The following PDE11A variants were observed in gnomAD, a reference collection of about 807,000 sequenced individuals.
PDE11A encodes the protein phosphodiesterase 11A.
PDE11A carries 100 observed loss-of-function variants against 100.5 expected under a neutral mutation model. The observed-to-expected ratio is 1.00, with a 90% CI of 0.85 to 1.18. The LOEUF is 1.18. Among genes scored for constraint, PDE11A ranks in the 50% most tolerant of loss-of-function variants. The probability of loss-of-function intolerance (pLI) is 0.00; values close to 1 mark genes in which losing one functional copy is unlikely to be tolerated. For missense variants in PDE11A, 1,141 were observed against 1,152.6 expected, an observed-to-expected ratio of 0.99 and a Z score of 0.15; for synonymous variants, 381 against 420.8, an observed-to-expected ratio of 0.91 and a Z score of 1.16.
At chr2:177,783,570 T>C (rs2082485986) in intron 9 of PDE11A, among the ~76,000 whole-genome samples, 1 of 152,246 alleles carries the variant, frequency 6.6e-6, no homozygotes, top group Admixed American at 6.5e-5. Flanking sequence ...GCTTATTCCT[T>C]GCAATATAGG....
At chr2:177,660,244 C>T (rs1213426866) in intron 19 of PDE11A, among the ~76,000 whole-genome samples, 1 of 151,980 alleles carries the variant, frequency 6.6e-6, no homozygotes, top group East Asian at 1.9e-4. Flanking sequence ...ACTCTATGCT[C>T]ACATATAAAC....
intron 9 of PDE11A, among the ~76,000 whole-genome samples, chr2:177,798,594 A>G (rs1465336214): frequency 6.6e-6 from 1 of 152,222 alleles, no homozygotes; most frequent in Non-Finnish European, 1.5e-5. Context: ...TTGTGCATAC[A>G]CATAAGTTCT....
intron 18 of PDE11A, among the ~76,000 whole-genome samples, chr2:177,665,256 G>C (rs931436941): frequency 5.4e-5 from 8 of 149,190 alleles, no homozygotes; most frequent in Non-Finnish European, 1.0e-4. Context: ...AGGATCACTT[G>C]AGCCCAAGAG....
Position 177,943,892 on chromosome 2 carries a change from A to C in PDE11A, c.1072-38705T>G, listed in dbSNP as rs764210514. On this transcript the variant is annotated intron_variant, in intron 2 of 19. Coordinates refer to ENST00000286063, the MANE Select transcript of PDE11A (RefSeq NM_016953.4). The stretch of plus-strand genomic sequence containing the variant: ...TTAGGTCTTTAATCCATTTTGGGTT[A>C]AGTTTTGTGTAAGGTGTAAAATAAG... Among the ~76,000 whole-genome samples, 65 of 152,176 alleles carry C rather than the reference A, an allele frequency of 4.3e-4. 3 individuals are homozygous for C. Among genetic ancestry groups the C allele is most frequent in the Non-Finnish European group, 7.4e-5 (5 of 68,020 alleles).
chr2:177,631,409 A>C (rs544462863), intron 19 of PDE11A, among the ~76,000 whole-genome samples: 245 of 136,388 alleles, frequency 1.8e-3, no homozygotes, highest in Non-Finnish European at 3.0e-3. Flanking sequence ...TGAACCCAGG[A>C]GGCAGAAGTT....
At chr2:177,664,811 A>G (rs1157036755) in intron 18 of PDE11A, among the ~76,000 whole-genome samples, 1 of 152,126 alleles carries the variant, frequency 6.6e-6, no homozygotes, top group Non-Finnish European at 1.5e-5. Context: ...GCCCTCCCTT[A>G]ATGTTATATA....
At chr2:177,924,124 C>T (rs995867820) in intron 2 of PDE11A, among the ~76,000 whole-genome samples, 4 of 152,232 alleles carry the variant, frequency 2.6e-5, no homozygotes, top group East Asian at 1.9e-4. Context: ...TGTAGATTTT[C>T]GCCACCTCCT....
At chr2:177,771,275 C>G (rs557310381) in intron 9 of PDE11A, among the ~76,000 whole-genome samples, 1 of 152,294 alleles carries the variant, frequency 6.6e-6, no homozygotes, top group East Asian at 1.9e-4. Flanking sequence ...TAGTATTTCC[C>G]AAATTTAATT....
intron 2 of PDE11A, among the ~76,000 whole-genome samples, chr2:177,943,411 T>C (rs925455434): frequency 3.3e-5 from 5 of 152,224 alleles, no homozygotes; most frequent in African/African-American, 1.2e-4. Flanking sequence ...TTGTTTTTGA[T>C]AGTTGCCATC....
intron 7 of PDE11A, 40 bp from the exon 8 acceptor site, chr2:177,817,965 T>A (rs770879888): frequency 1.1e-6 from 1 of 923,478 alleles, no homozygotes; most frequent in Non-Finnish European, 1.8e-6. Flanking sequence ...TTTTTAGTAC[T>A]GGACATTGTG....
intron 2 of PDE11A, among the ~76,000 whole-genome samples, chr2:177,971,139 A>C (rs1425551774): frequency 3.3e-5 from 5 of 152,252 alleles, no homozygotes; most frequent in African/African-American, 1.2e-4. Context: ...GTTCCAACAA[A>C]CATTGCTGTA....
chr2:177,934,972 G>A (rs1021375475), intron 2 of PDE11A, among the ~76,000 whole-genome samples: 6 of 152,148 alleles, frequency 3.9e-5, no homozygotes, highest in African/African-American at 1.4e-4. Context: ...AGGTGGAGGG[G>A]GGAGTAAGGG....
At chr2:177,972,393 T>A (rs974254670) in intron 2 of PDE11A, among the ~76,000 whole-genome samples, 1 of 152,164 alleles carries the variant, frequency 6.6e-6, no homozygotes, top group Non-Finnish European at 1.5e-5. Context: ...TGGCAGGTAA[T>A]ACTCAACCTC....
chr2:177,765,326 T>C (rs2082223943), intron 10 of PDE11A, among the ~76,000 whole-genome samples: 1 of 152,248 alleles, frequency 6.6e-6, no homozygotes, highest in Non-Finnish European at 1.5e-5. Flanking sequence ...AGGTTTATCT[T>C]ATGTGAAATC....
At chr2:177,929,328 G>A (rs1287635681) in intron 2 of PDE11A, among the ~76,000 whole-genome samples, 2 of 152,148 alleles carry the variant, frequency 1.3e-5, no homozygotes, top group African/African-American at 4.8e-5. Flanking sequence ...TTTTTTGTTA[G>A]CTGAGAATCT....
chr2:177,642,781 T>C (rs1354115735), intron 19 of PDE11A, among the ~76,000 whole-genome samples: 3 of 152,200 alleles, frequency 2.0e-5, no homozygotes, highest in Admixed American at 6.5e-5. Context: ...ACTCCCACAA[T>C]TGTAACCTCC....
At chr2:177,635,543 A>G (rs2080026032) in intron 19 of PDE11A, among the ~76,000 whole-genome samples, 1 of 152,192 alleles carries the variant, frequency 6.6e-6, no homozygotes. Flanking sequence ...ACCAGCATAT[A>G]CAGTTTATTC....
At chr2:177,709,157 T>G (rs979181004) in intron 13 of PDE11A, among the ~76,000 whole-genome samples, 4 of 152,046 alleles carry the variant, frequency 2.6e-5, no homozygotes, top group African/African-American at 9.7e-5. Context: ...GGAGTCCGAA[T>G]GAAAAGGGCC....
intron 19 of PDE11A, among the ~76,000 whole-genome samples, chr2:177,660,097 TTCTCTCTCTCTC>T (rs146788797): frequency 0.24 from 16,720 of 69,134 alleles, 2,161 homozygotes; most frequent in East Asian, 0.31. Context: ...CTTTCTTTCT[TTCTCTCTCTCTC>T]TCTTTCTTTC....
Sources: gnomAD v4.1 joint callset for allele counts (sites outside exome capture counted in the v4.1 genomes callset) on GRCh38, gnomAD v4.1.1 for gene constraint, MANE v1.5 for transcripts, NCBI Gene and HGNC (gene_info 2026-07-23, HGNC 2026-07-21) for gene names.